MEX3C: variants seen among roughly 807,000 people sequenced by gnomAD.
The protein encoded by MEX3C is RNA-binding E3 ubiquitin-protein ligase MEX3C.
In MEX3C, 15 loss-of-function variants were observed where a neutral mutation model predicts 35.5. That is an observed-to-expected ratio of 0.42 (90% CI 0.28 to 0.65). MEX3C has a LOEUF of 0.65. Among genes scored for constraint, MEX3C ranks in the 30% least tolerant of loss-of-function variants. MEX3C has a pLI of 0.20. For synonymous variants in MEX3C, 390 were observed against 352.8 expected (o/e 1.11, Z -1.18); for missense variants, 711 against 842.8 (o/e 0.84, Z 1.94).
Position 51,196,900 on chromosome 18 carries a change from G to GCGA in MEX3C, c.418_420dup (p.Ser140dup). The GCGA allele has an allele frequency of 6.5e-7, 1 of 1,542,190 alleles. No individual in the cohort carries two copies. Among genetic ancestry groups the GCGA allele is most frequent in the South Asian group, 1.2e-5 (1 of 83,816 alleles). ...GCCGCGGGCGGCGACAGCAGCAGCA[G>GCGA]CGACGACCGGTCCTCCTCCTCTGCT... On this transcript the variant is annotated inframe_insertion, in exon 1 of 2. Transcript: ENST00000406189.
chr18:51,194,743 T>C (rs2144560423), intron 1 of MEX3C: 1 of 152,340 alleles, frequency 6.6e-6, no homozygotes. Context: ...GGCATCTTCA[T>C]ATGGCATTCA....
intron 1 of MEX3C, chr18:51,192,869 T>C (rs908232161): frequency 8.5e-5 from 13 of 152,256 alleles, no homozygotes; most frequent in Admixed American, 2.6e-4. Flanking sequence ...AGTCCAACAA[T>C]GCACCCTCAT....
rs370405919 is a variant in MEX3C at position 51,196,933 on chromosome 18, G to C, written c.388C>G (p.Leu130Val). ...LDGDLLEEEE[L>V]EEAEEEDRSS... ...CGGTCCTCCTCCTCTGCTTCCTCCA[G>C]CTCCTCCTCCTCCAGCAGGTCTCCG... Residue 130 changes from leucine (L) to valine (V), a missense_variant, in exon 1 of 2, where the codon CTG becomes GTG. This residue lies in a region of MEX3C where 354 missense variants were observed against 311.6 expected (regional missense o/e 1.14). Coordinates refer to ENST00000406189, the MANE Select transcript of MEX3C (RefSeq NM_016626.5). The C allele has an allele frequency of 1.9e-6, 3 of 1,543,856 alleles. No individual in the cohort carries two copies. The highest frequency in any genetic ancestry group is 1.7e-6 in the Non-Finnish European group (2 of 1,145,834).
At chr18:51,191,055 C>T (rs1370517668) in intron 1 of MEX3C, among the ~76,000 whole-genome samples, 1 of 152,098 alleles carries the variant, frequency 6.6e-6, no homozygotes, top group Non-Finnish European at 1.5e-5. Flanking sequence ...CAAATACACT[C>T]CTTTAGTATC....
intron 1 of MEX3C, among the ~76,000 whole-genome samples, chr18:51,180,175 A>G (rs1192971681): frequency 6.6e-6 from 1 of 152,234 alleles, no homozygotes; most frequent in East Asian, 1.9e-4. Context: ...TTTTGATACT[A>G]TAAGCAACTG....
At chr18:51,196,381 A>G in intron 1 of MEX3C, 186 bp downstream of exon 1, 1 of 1,320,532 alleles carries the variant, frequency 7.6e-7, no homozygotes, top group Non-Finnish European at 9.9e-7. Context: ...GACGGGCGGA[A>G]AAGCGTGGGT....
At chr18:51,178,384 T>G (rs1470467354) in intron 1 of MEX3C, among the ~76,000 whole-genome samples, 2 of 152,106 alleles carry the variant, frequency 1.3e-5, no homozygotes, top group East Asian at 3.8e-4. Context: ...CTTTTTTTTT[T>G]TTTTTTGAGT....
intron 1 of MEX3C, among the ~76,000 whole-genome samples, chr18:51,180,881 T>A: frequency 6.6e-6 from 1 of 152,276 alleles, no homozygotes; most frequent in South Asian, 2.1e-4. Flanking sequence ...AGATTAGGGA[T>A]TATAGGGAAG....
intron 1 of MEX3C, among the ~76,000 whole-genome samples, chr18:51,191,254 A>T (rs148204828): frequency 6.6e-6 from 1 of 152,150 alleles, no homozygotes; most frequent in Admixed American, 6.5e-5. Context: ...GTGTGGCCAG[A>T]TGATTTGCTT....
chr18:51,195,063 T>C (rs1193481863), intron 1 of MEX3C: 1 of 147,758 alleles, frequency 6.8e-6, no homozygotes, highest in Non-Finnish European at 1.5e-5. Context: ...TGAATTAACT[T>C]CACATTCTCA....
At chr18:51,178,637 G>A (rs1912354780) in intron 1 of MEX3C, among the ~76,000 whole-genome samples, 1 of 151,784 alleles carries the variant, frequency 6.6e-6, no homozygotes, top group Admixed American at 6.6e-5. Context: ...GATAACCTGA[G>A]GTCAGGAGTT....
chr18:51,196,476 G>A, intron 1 of MEX3C, 91 bp downstream of exon 1: 3 of 1,486,302 alleles, frequency 2.0e-6, no homozygotes, highest in Non-Finnish European at 2.7e-6. Flanking sequence ...GCCTCGCCGG[G>A]TTCGCCTTTT....
rs1486786563 is a variant in MEX3C at position 51,197,197 on chromosome 18, C to A, written c.124G>T (p.Glu42Ter). Reference sequence around the variant, plus strand: ...TCCCTCAGCAGGAGCCCGTCCCCCTCGAGCTCCGGGCCGCCCGAGGGCGGC... The same window carrying A: ...TCCCTCAGCAGGAGCCCGTCCCCCTAGAGCTCCGGGCCGCCCGAGGGCGGC... ...LPPPSGGPEL[E>*]GDGLLLRERL... The change falls in exon 1 of 2, where the codon GAG (glutamate) becomes TAG (stop). Residue 42 changes from glutamate (E) to a stop codon, truncating the protein, a stop_gained. Coordinates refer to ENST00000406189, the MANE Select transcript of MEX3C (RefSeq NM_016626.5). LOFTEE classifies it high-confidence loss of function. 1 of 1,021,308 alleles carries A rather than the reference C, an allele frequency of 9.8e-7. No individual in the cohort carries two copies. Among genetic ancestry groups the A allele is most frequent in the South Asian group, 4.4e-5 (1 of 22,764 alleles). 63.3% of individuals were successfully genotyped at this position (1,021,308 alleles called of 1,614,324 possible).
At chr18:51,183,488 T>C (rs1054940935) in intron 1 of MEX3C, among the ~76,000 whole-genome samples, 3 of 152,248 alleles carry the variant, frequency 2.0e-5, no homozygotes, top group Non-Finnish European at 4.4e-5. Flanking sequence ...GACAGTATGA[T>C]AGGCAGAATC....
chr18:51,196,377 C>CTT, intron 1 of MEX3C, 190 bp downstream of exon 1: 1 of 1,287,922 alleles, frequency 7.8e-7, no homozygotes. Flanking sequence ...GCAAGACGGG[C>CTT]GGAAAAGCGT....
intron 1 of MEX3C, among the ~76,000 whole-genome samples, chr18:51,179,499 A>C (rs561168979): frequency 6.6e-6 from 1 of 151,586 alleles, no homozygotes; most frequent in South Asian, 2.1e-4. Flanking sequence ...GGGCATCCCT[A>C]CTCTGAAAAT....
intron 1 of MEX3C, chr18:51,193,299 G>A (rs1347785496): frequency 2.6e-5 from 4 of 152,090 alleles, no homozygotes; most frequent in Non-Finnish European, 5.9e-5. Context: ...TCTAATGAAA[G>A]ATACACATTT....
intron 1 of MEX3C, among the ~76,000 whole-genome samples, chr18:51,181,702 G>A (rs769234363): frequency 5.9e-5 from 9 of 152,188 alleles, no homozygotes; most frequent in Non-Finnish European, 1.3e-4. Flanking sequence ...ATTAGCATGA[G>A]GCTGGTACAG....
At chr18:51,194,709 C>G (rs936828342) in intron 1 of MEX3C, 1 of 152,166 alleles carries the variant, frequency 6.6e-6, no homozygotes. Context: ...CATAAGCACA[C>G]GGAAGCAACT....
Sources: allele counts gnomAD v4.1 joint callset (sites outside exome capture counted in the v4.1 genomes callset), GRCh38; gene constraint gnomAD v4.1.1; regional missense constraint gnomAD v4.1.1; transcripts MANE v1.5; gene names NCBI Gene and HGNC (gene_info 2026-07-23, HGNC 2026-07-21).